The following UNC13C variants were observed in gnomAD, a reference collection of about 807,000 sequenced individuals.
The protein encoded by UNC13C is unc-13 homolog C.
UNC13C carries 174 observed loss-of-function variants against 245.4 expected under a neutral mutation model. The observed-to-expected ratio is 0.71, with a 90% CI of 0.63 to 0.80. The LOEUF is 0.80. Among genes scored for constraint, UNC13C ranks in the 30% least tolerant of loss-of-function variants. The pLI is 0.00. For synonymous variants in UNC13C, 992 were observed against 895.1 expected (o/e 1.11, Z -1.93); for missense variants, 2,829 against 2,602.9 (o/e 1.09, Z -1.89).
At chr15:54,103,170 T>A (rs1272326521) in intron 2 of UNC13C, among the ~76,000 whole-genome samples, 1 of 152,174 alleles carries the variant, frequency 6.6e-6, no homozygotes, top group Non-Finnish European at 1.5e-5. Flanking sequence ...ATTATAACTG[T>A]GATACACAAA....
At chr15:54,350,377 G>A (rs2038955528) in intron 17 of UNC13C, among the ~76,000 whole-genome samples, 1 of 152,140 alleles carries the variant, frequency 6.6e-6, no homozygotes, top group African/African-American at 2.4e-5. Flanking sequence ...AACTCAGTAT[G>A]TGGTCTTATG....
chr15:54,333,975 G>T (rs2038509348), intron 16 of UNC13C, 119 bp downstream of exon 16: 1 of 672,936 alleles, frequency 1.5e-6, no homozygotes, highest in Non-Finnish European at 2.6e-6. Context: ...CGATTAAGCT[G>T]TACTATCTTT....
At chr15:54,458,449 G>T (rs888153173) in intron 19 of UNC13C, among the ~76,000 whole-genome samples, 1 of 151,738 alleles carries the variant, frequency 6.6e-6, no homozygotes, top group African/African-American at 2.4e-5. Context: ...GTTGACTTTT[G>T]GTCTTAATGA....
At chr15:54,421,703 T>A (rs1354556507) in intron 19 of UNC13C, among the ~76,000 whole-genome samples, 3 of 152,100 alleles carry the variant, frequency 2.0e-5, no homozygotes, top group African/African-American at 7.2e-5. Context: ...TTTATAGACA[T>A]CTCATTGTTC....
chr15:54,323,187 A>G (rs1203052673), intron 14 of UNC13C, among the ~76,000 whole-genome samples: 1 of 152,082 alleles, frequency 6.6e-6, no homozygotes, highest in Non-Finnish European at 1.5e-5. Flanking sequence ...GTTGAGACAC[A>G]GCAAATAAAA....
chr15:54,304,664 A>G (rs2037679326), intron 13 of UNC13C, among the ~76,000 whole-genome samples: 2 of 151,488 alleles, frequency 1.3e-5, no homozygotes, highest in African/African-American at 4.8e-5. Context: ...AAAAAAAAAA[A>G]AAAAAAAACC....
intron 2 of UNC13C, among the ~76,000 whole-genome samples, chr15:54,075,198 A>G (rs2163193): frequency 0.92 from 139,991 of 152,198 alleles, 65,517 homozygotes; most frequent in Non-Finnish European, 1. Flanking sequence ...CAAAAGTCAC[A>G]TCCAAGGCCG....
intron 2 of UNC13C, among the ~76,000 whole-genome samples, chr15:54,126,886 G>C (rs55919508): frequency 6.6e-6 from 1 of 152,032 alleles, no homozygotes; most frequent in Non-Finnish European, 1.5e-5. Flanking sequence ...CCATCAAAGA[G>C]TGGGTGAAGG....
chr15:54,500,227 C>T lies in UNC13C; in HGVS notation c.5157+52C>T, dbSNP rs77842069. 6.6e-3 allele frequency: 8,952 copies of T among 1,361,350 alleles called. 51 individuals are homozygous for T. Among genetic ancestry groups the T allele is most frequent in the Non-Finnish European group, 7.9e-3 (7,648 of 969,088 alleles). The allele number at this position is 1,361,350 out of a possible 1,614,324, so 84.3% of individuals were successfully genotyped here. ...TCATTGCCATGATTCAGTCACATTG[C>T]TTACTTTTAACCTAATGGGAATTAT... On this transcript the variant is annotated intron_variant, in intron 21 of 32. Coordinates refer to ENST00000260323, the MANE Select transcript of UNC13C (RefSeq NM_001080534.3).
chr15:54,622,311 C>G lies in UNC13C; in HGVS notation c.6107-16C>G. On this transcript the variant is annotated splice_polypyrimidine_tract_variant and intron_variant, in intron 30 of 32. Transcript: ENST00000260323. ...AGTCTGAAAGCTCAGGCCAGTAAGCCTCTGCTTATTTTCAGGTCGTTCCTC... is the reference window on the plus strand; with the variant it reads ...AGTCTGAAAGCTCAGGCCAGTAAGCGTCTGCTTATTTTCAGGTCGTTCCTC... 1.3e-6 allele frequency: 2 copies of G among 1,595,942 alleles called. No homozygotes were observed. The highest frequency in any genetic ancestry group is 1.7e-6 in the Non-Finnish European group (2 of 1,163,766).
chr15:54,546,789 C>T lies in UNC13C; in HGVS notation c.5764C>T (p.Leu1922=). The change falls in exon 27 of 33, where the codon CTA becomes TTA. Residue 1922 remains leucine, a synonymous_variant. Coordinates refer to ENST00000260323, the MANE Select transcript of UNC13C (RefSeq NM_001080534.3). ...GCGAGTTTTAAAAGAGTTATGGAAG[C>T]TAGTTCTCAACAAAATAGAAAAACA... is the stretch of plus-strand genomic sequence containing the variant. ...LKRVLKELWK[L]VLNKIEKQIV... is the part of the protein sequence containing the mutation. 6.4e-7 allele frequency: 1 copy of T among 1,567,532 alleles called. No homozygotes were observed. The highest frequency in any genetic ancestry group is 8.7e-7 in the Non-Finnish European group (1 of 1,154,864).
At chr15:54,157,212 G>A (rs1209305066) in intron 4 of UNC13C, among the ~76,000 whole-genome samples, 1 of 152,136 alleles carries the variant, frequency 6.6e-6, no homozygotes, top group Admixed American at 6.6e-5. Context: ...TTGCTTCTGA[G>A]GAAAAGACAC....
intron 19 of UNC13C, among the ~76,000 whole-genome samples, chr15:54,434,423 A>G (rs2040937636): frequency 6.6e-6 from 1 of 152,124 alleles, no homozygotes; most frequent in Admixed American, 6.6e-5. Context: ...GACCTCAGAA[A>G]TAACACCACA....
chr15:54,132,076 T>TTTTTTTTTCTTTTTC (rs1555420959), intron 2 of UNC13C, among the ~76,000 whole-genome samples: 6 of 141,616 alleles, frequency 4.2e-5, no homozygotes, highest in Non-Finnish European at 9.1e-5. Context: ...TTCTTTTTCT[T>TTTTTTTTTCTTTTTC]TTTTTTTTTT....
the UNC13C span, among the ~76,000 whole-genome samples, chr15:53,969,429 A>G: frequency 4.6e-5 from 7 of 152,244 alleles, no homozygotes; most frequent in African/African-American, 1.7e-4. Flanking sequence ...GTAAACACAC[A>G]TAATACATTT....
chr15:53,851,013 A>G, the UNC13C span, among the ~76,000 whole-genome samples: 3,721 of 151,014 alleles, frequency 0.025, 138 homozygotes, highest in African/African-American at 0.086. Flanking sequence ...TTATTTTTAT[A>G]TTTCTTGGAG....
chr15:54,041,349 G>A (rs947182550), intron 2 of UNC13C, among the ~76,000 whole-genome samples: 1 of 151,874 alleles, frequency 6.6e-6, no homozygotes, highest in African/African-American at 2.4e-5. Flanking sequence ...TTCTTTTTGT[G>A]ATTATAAATA....
intron 16 of UNC13C, among the ~76,000 whole-genome samples, chr15:54,338,135 A>G (rs992635323): frequency 1.3e-5 from 2 of 152,182 alleles, no homozygotes; most frequent in African/African-American, 4.8e-5. Context: ...CTAACTGGTC[A>G]CGTTAAGTGT....
At chr15:54,629,959 T>C (rs546534984), downstream of UNC13C, 1 of 152,334 alleles carries the variant, frequency 6.6e-6, no homozygotes, top group Non-Finnish European at 1.5e-5. Context: ...TGTTTTCCTC[T>C]CAAAGCACAA....
Sources: allele counts gnomAD v4.1 joint callset (sites outside exome capture counted in the v4.1 genomes callset), GRCh38; gene constraint gnomAD v4.1.1; transcripts MANE v1.5; gene names NCBI Gene and HGNC (gene_info 2026-07-23, HGNC 2026-07-21).